Variants in GNG2 observed in about 807,000 individuals in gnomAD.
The protein encoded by GNG2 is guanine nucleotide-binding protein G(I)/G(S)/G(O) subunit gamma-2.
A neutral mutation model predicts 5.5 loss-of-function variants in GNG2; 5 were observed. That is an observed-to-expected ratio of 0.91 (90% CI 0.48 to 1.92). The LOEUF is 1.92. GNG2 is among the 30% of genes most tolerant of loss of function. The probability of loss-of-function intolerance (pLI) is 0.01; values close to 1 mark genes in which losing one functional copy is unlikely to be tolerated. For synonymous variants in GNG2, 28 were observed against 32.0 expected (o/e 0.88, Z 0.42); for missense variants, 55 against 88.4 (o/e 0.62, Z 1.52).
At chr14:51,832,263 A>G (rs1184043602) in intron 2 of GNG2, among the ~76,000 whole-genome samples, 1 of 146,676 alleles carries the variant, frequency 6.8e-6, no homozygotes, top group Non-Finnish European at 1.5e-5. Flanking sequence ...CCTAGCCAAC[A>G]GTGAGACCCT....
At chr14:51,905,759 C>T (rs1268658501) in intron 2 of GNG2, among the ~76,000 whole-genome samples, 1 of 152,152 alleles carries the variant, frequency 6.6e-6, no homozygotes, top group African/African-American at 2.4e-5. Context: ...ATTGAATCAT[C>T]GGGGAAGTTT....
chr14:51,944,847 C>G (rs1256798457), intron 2 of GNG2, among the ~76,000 whole-genome samples: 1 of 152,094 alleles, frequency 6.6e-6, no homozygotes, highest in Non-Finnish European at 1.5e-5. Flanking sequence ...AGTGAAAAGA[C>G]AGTCCACAGA....
intron 2 of GNG2, chr14:51,912,872 T>C (rs1886378427): frequency 6.6e-6 from 1 of 152,298 alleles, no homozygotes; most frequent in South Asian, 2.1e-4. Context: ...TGTGTGTATG[T>C]GTGTGTTTTG....
At chr14:51,859,069 C>T (rs1882298123), upstream of GNG2, among the ~76,000 whole-genome samples, 1 of 152,198 alleles carries the variant, frequency 6.6e-6, no homozygotes, top group Non-Finnish European at 1.5e-5. Context: ...TATTCTCCAT[C>T]AGTCCTAGAT....
intron 2 of GNG2, among the ~76,000 whole-genome samples, chr14:51,834,652 C>T (rs560355946): frequency 6.6e-6 from 1 of 152,282 alleles, no homozygotes; most frequent in East Asian, 1.9e-4. Flanking sequence ...TTGCTAAAGC[C>T]ATTTTTACTT....
chr14:51,868,609 T>C (rs1193750662), intron 1 of GNG2, among the ~76,000 whole-genome samples: 2 of 152,098 alleles, frequency 1.3e-5, no homozygotes, highest in African/African-American at 2.4e-5. Flanking sequence ...GTAAAGATAT[T>C]GGGGCGAAGG....
intron 2 of GNG2, among the ~76,000 whole-genome samples, chr14:51,882,319 A>G (rs1199813519): frequency 6.6e-6 from 1 of 152,222 alleles, no homozygotes; most frequent in Non-Finnish European, 1.5e-5. Context: ...CTTCAAGAGG[A>G]AAAAAGAAAA....
At chr14:51,911,793 C>T (rs191864320) in intron 2 of GNG2, among the ~76,000 whole-genome samples, 3 of 148,176 alleles carry the variant, frequency 2.0e-5, no homozygotes, top group Admixed American at 1.3e-4. Flanking sequence ...CAGTGATCTG[C>T]CTACTTTGGC....
chr14:51,903,309 G>GT (rs1885683493), intron 2 of GNG2, among the ~76,000 whole-genome samples: 1 of 152,122 alleles, frequency 6.6e-6, no homozygotes, highest in Non-Finnish European at 1.5e-5. Context: ...AGAAAACAAG[G>GT]TTATATGTTG....
At chr14:51,838,099 C>T (rs996695262) in intron 2 of GNG2, among the ~76,000 whole-genome samples, 4 of 152,032 alleles carry the variant, frequency 2.6e-5, no homozygotes, top group African/African-American at 7.3e-5. Context: ...TAATTGTTAA[C>T]AGTACCTTAT....
At chr14:51,914,351 C>T in intron 2 of GNG2, 1 of 697,698 alleles carries the variant, frequency 1.4e-6, no homozygotes, top group Non-Finnish European at 2.6e-6. Context: ...ACACAGGCCA[C>T]AGTAACCATA....
intron 3 of GNG2, among the ~76,000 whole-genome samples, chr14:51,953,545 G>T (rs1425978137): frequency 6.6e-6 from 1 of 152,144 alleles, no homozygotes; most frequent in East Asian, 1.9e-4. Flanking sequence ...TGCCTTCCTA[G>T]GTGATCTTCA....
chr14:51,904,252 T>G, intron 2 of GNG2, among the ~76,000 whole-genome samples: 1 of 152,144 alleles, frequency 6.6e-6, no homozygotes, highest in East Asian at 1.9e-4. Context: ...CACACCCACA[T>G]GTACCATCAC....
At chr14:51,905,006 A>G (rs181929202) in intron 2 of GNG2, among the ~76,000 whole-genome samples, 1 of 152,204 alleles carries the variant, frequency 6.6e-6, no homozygotes, top group Non-Finnish European at 1.5e-5. Context: ...ACACTTAAAA[A>G]TATTTTTTCT....
intron 2 of GNG2, among the ~76,000 whole-genome samples, chr14:51,926,041 CTTTTT>C (rs999667127): frequency 6.8e-6 from 1 of 147,736 alleles, no homozygotes; most frequent in Non-Finnish European, 1.5e-5. Context: ...TTTCTTTTTT[CTTTTT>C]TTTTTAAGCT....
chr14:51,913,765 G>C (rs1052698614), intron 2 of GNG2, among the ~76,000 whole-genome samples: 2 of 152,134 alleles, frequency 1.3e-5, no homozygotes, highest in Non-Finnish European at 2.9e-5. Flanking sequence ...AGTTACTGTG[G>C]GAGTGGAGGT....
chr14:51,874,411 C>T (rs187570989), intron 1 of GNG2, among the ~76,000 whole-genome samples: 39 of 128,726 alleles, frequency 3.0e-4, no homozygotes, highest in Admixed American at 1.2e-3. Context: ...GGTGACAGAG[C>T]GAGACTCTGT....
intron 2 of GNG2, among the ~76,000 whole-genome samples, chr14:51,839,319 A>G (rs574628613): frequency 4.4e-4 from 67 of 152,368 alleles, no homozygotes; most frequent in Non-Finnish European, 7.2e-4. Flanking sequence ...CTTCCAGGTC[A>G]TAAGTAGCTA....
chr14:51,893,994 A>G (rs567436693), intron 2 of GNG2, among the ~76,000 whole-genome samples: 2 of 152,034 alleles, frequency 1.3e-5, no homozygotes, highest in African/African-American at 2.4e-5. Flanking sequence ...TAATAGTTTG[A>G]TTTCAGGTTT....
Sources: allele counts gnomAD v4.1 joint callset (sites outside exome capture counted in the v4.1 genomes callset), GRCh38; gene constraint gnomAD v4.1.1; transcripts MANE v1.5; gene names NCBI Gene and HGNC (gene_info 2026-07-23, HGNC 2026-07-21).